RBPJ: variants seen among roughly 807,000 people sequenced by gnomAD.
RBPJ encodes recombining binding protein suppressor of hairless.
In RBPJ, 9 loss-of-function variants were observed where a neutral mutation model predicts 67.8. That is an observed-to-expected ratio of 0.13 (90% CI 0.08 to 0.23). The LOEUF is 0.23. RBPJ is among the 10% of genes least tolerant of loss of function. The probability of loss-of-function intolerance (pLI) is 1.00; values close to 1 mark genes in which losing one functional copy is unlikely to be tolerated. For synonymous variants in RBPJ, 198 were observed against 203.3 expected (o/e 0.97, Z 0.22); for missense variants, 305 against 595.6 (o/e 0.51, Z 5.08).
At chr4:26,164,018 T>A (rs1473735174) in intron 1 of RBPJ, among the ~76,000 whole-genome samples, 2 of 152,266 alleles carry the variant, frequency 1.3e-5, no homozygotes, top group Non-Finnish European at 2.9e-5. Context: ...ATCAAAAACA[T>A]CTATAGTCCC....
intron 2 of RBPJ, among the ~76,000 whole-genome samples, chr4:26,402,905 T>C (rs1488143489): frequency 6.6e-6 from 1 of 152,178 alleles, no homozygotes; most frequent in Non-Finnish European, 1.5e-5. Flanking sequence ...AGTTGACTTT[T>C]GTCAGCAGAA....
At chr4:26,318,838 A>G (rs1577423407), upstream of RBPJ, among the ~76,000 whole-genome samples, 1 of 151,820 alleles carries the variant, frequency 6.6e-6, no homozygotes, top group East Asian at 1.9e-4. Flanking sequence ...CTACTAAAAA[A>G]TAGAAAAAAT....
intron 7 of RBPJ, among the ~76,000 whole-genome samples, chr4:26,425,628 A>G (rs1735570245): frequency 6.6e-6 from 1 of 152,140 alleles, no homozygotes; most frequent in African/African-American, 2.4e-5. Flanking sequence ...AGAAAAGGAG[A>G]TCTTGAAATT....
the RBPJ span, among the ~76,000 whole-genome samples, chr4:26,158,336 AG>A: frequency 6.6e-6 from 1 of 152,190 alleles, no homozygotes; most frequent in African/African-American, 2.4e-5. Context: ...TCTTGATTCT[AG>A]TCTTCTCAAG....
intron 1 of RBPJ, among the ~76,000 whole-genome samples, chr4:26,233,600 A>G (rs1719362213): frequency 6.6e-6 from 1 of 152,102 alleles, no homozygotes; most frequent in South Asian, 2.1e-4. Context: ...TATTATTGGG[A>G]TCCTTAGTAC....
chr4:26,216,043 A>G (rs1718714669), intron 1 of RBPJ, among the ~76,000 whole-genome samples: 1 of 152,026 alleles, frequency 6.6e-6, no homozygotes, highest in Non-Finnish European at 1.5e-5. Context: ...ACCCCGGGGG[A>G]AATTCAGTTC....
the RBPJ span, among the ~76,000 whole-genome samples, chr4:26,111,553 A>T: frequency 6.6e-6 from 1 of 152,058 alleles, no homozygotes; most frequent in Non-Finnish European, 1.5e-5. Context: ...TGGGGAAAAA[A>T]ACTCTACGAT....
At chr4:26,134,427 C>G in the RBPJ span, among the ~76,000 whole-genome samples, 1 of 152,162 alleles carries the variant, frequency 6.6e-6, no homozygotes, top group Non-Finnish European at 1.5e-5. Flanking sequence ...AAGCACAGGC[C>G]CCGTGCAAGT....
At chr4:26,139,402 G>GA in the RBPJ span, among the ~76,000 whole-genome samples, 1 of 152,260 alleles carries the variant, frequency 6.6e-6, no homozygotes, top group East Asian at 1.9e-4. Context: ...AAGGGGCCAG[G>GA]AACAAAGTAG....
intron 1 of RBPJ, among the ~76,000 whole-genome samples, chr4:26,371,434 G>A (rs1729150534): frequency 6.6e-6 from 1 of 152,150 alleles, no homozygotes; most frequent in African/African-American, 2.4e-5. Flanking sequence ...TCTCTAATGG[G>A]CATGTATGCT....
At chr4:26,164,361 T>G (rs1418891576) in intron 1 of RBPJ, among the ~76,000 whole-genome samples, 3 of 152,224 alleles carry the variant, frequency 2.0e-5, no homozygotes, top group African/African-American at 7.2e-5. Context: ...CTATACACTA[T>G]TATTGAGTGC....
At chr4:26,384,674 G>A (rs1730630632) in intron 1 of RBPJ, 1 of 152,072 alleles carries the variant, frequency 6.6e-6, no homozygotes, top group South Asian at 2.1e-4. Flanking sequence ...ATCGTATTTA[G>A]TTCCTTTAGT....
chr4:26,395,046 A>G (rs921572516), intron 2 of RBPJ, among the ~76,000 whole-genome samples: 24 of 152,284 alleles, frequency 1.6e-4, no homozygotes, highest in African/African-American at 5.1e-4. Context: ...CTGTTCTCAC[A>G]TGTACCTCCA....
intron 1 of RBPJ, among the ~76,000 whole-genome samples, chr4:26,168,600 C>G (rs570434279): frequency 2.8e-3 from 424 of 152,244 alleles, no homozygotes; most frequent in African/African-American, 9.6e-3. Context: ...TCTGTATTTC[C>G]TGAATCTGAA....
intron 1 of RBPJ, among the ~76,000 whole-genome samples, chr4:26,184,486 G>A (rs996977239): frequency 9.9e-5 from 15 of 152,222 alleles, no homozygotes; most frequent in African/African-American, 3.4e-4. Flanking sequence ...AAGCTATCAC[G>A]GAGGGTGGTC....
At chr4:26,162,568 A>G (rs550736963), upstream of RBPJ, among the ~76,000 whole-genome samples, 20 of 152,340 alleles carry the variant, frequency 1.3e-4, 1 homozygote, top group South Asian at 4.1e-3. Flanking sequence ...GTATTGATCT[A>G]TTTAATCTTC....
At chr4:26,344,339 A>G (rs572650091) in intron 1 of RBPJ, among the ~76,000 whole-genome samples, 2 of 152,220 alleles carry the variant, frequency 1.3e-5, no homozygotes, top group East Asian at 3.9e-4. Flanking sequence ...GGTTCACGCC[A>G]TTCTCCTGCG....
At chr4:26,312,158 G>A (rs946194883) in intron 1 of RBPJ, among the ~76,000 whole-genome samples, 3 of 150,560 alleles carry the variant, frequency 2.0e-5, no homozygotes, top group African/African-American at 7.3e-5. Flanking sequence ...TTGAGACAGA[G>A]TCTCGCTCTG....
At chr4:26,368,470 C>T (rs1455346039) in intron 1 of RBPJ, among the ~76,000 whole-genome samples, 1 of 152,128 alleles carries the variant, frequency 6.6e-6, no homozygotes, top group African/African-American at 2.4e-5. Flanking sequence ...CTGTTGGAAG[C>T]ACGAGGTTTT....
Sources: gnomAD v4.1 joint callset for allele counts (sites outside exome capture counted in the v4.1 genomes callset) on GRCh38, gnomAD v4.1.1 for gene constraint, MANE v1.5 for transcripts, NCBI Gene and HGNC (gene_info 2026-07-23, HGNC 2026-07-21) for gene names.